CTNNA3: variants seen among roughly 807,000 people sequenced by gnomAD.
CTNNA3 encodes the protein catenin alpha-3.
A neutral mutation model predicts 95.7 loss-of-function variants in CTNNA3; 76 were observed. The ratio of observed to expected loss-of-function variants is 0.79; its 90% CI spans 0.66 to 0.96. The LOEUF (loss-of-function observed/expected upper bound fraction) is 0.96, where lower values mean the gene tolerates loss of function less well. Among genes scored for constraint, CTNNA3 ranks in the 40% least tolerant of loss-of-function variants. CTNNA3 has a pLI of 0.00. For synonymous variants in CTNNA3, 431 were observed against 374.4 expected, an observed-to-expected ratio of 1.15 and a Z score of -1.74; for missense variants, 1,191 against 1,089.8, an observed-to-expected ratio of 1.09 and a Z score of -1.31.
chr10:66,053,737 A>G (rs1419212072), intron 15 of CTNNA3, among the ~76,000 whole-genome samples: 3 of 152,034 alleles, frequency 2.0e-5, no homozygotes, highest in Non-Finnish European at 4.4e-5. Context: ...TGGCTGTGGT[A>G]TCTAATATTT....
intron 11 of CTNNA3, among the ~76,000 whole-genome samples, chr10:66,391,984 A>AGAT (rs963003665): frequency 2.9e-4 from 44 of 152,176 alleles, no homozygotes; most frequent in African/African-American, 1.0e-3. Context: ...AGCTTCTGTA[A>AGAT]GATAACAGAG....
chr10:67,029,807 T>C (rs1425556014), intron 7 of CTNNA3, among the ~76,000 whole-genome samples: 1 of 152,190 alleles, frequency 6.6e-6, no homozygotes, highest in Non-Finnish European at 1.5e-5. Flanking sequence ...CATGTACCTA[T>C]TTAACTTTAA....
intron 7 of CTNNA3, chr10:67,099,325 T>A (rs1266285397): frequency 6.6e-6 from 1 of 151,708 alleles, no homozygotes. Flanking sequence ...TGCATTCTTG[T>A]GTTTTTTTTT....
intron 9 of CTNNA3, among the ~76,000 whole-genome samples, chr10:66,667,212 T>C (rs1400076707): frequency 1.3e-5 from 2 of 152,130 alleles, no homozygotes; most frequent in Non-Finnish European, 2.9e-5. Context: ...CCTAATTTTG[T>C]TACTATAAGA....
At chr10:66,413,824 G>C (rs893197849) in intron 11 of CTNNA3, among the ~76,000 whole-genome samples, 6 of 152,172 alleles carry the variant, frequency 3.9e-5, no homozygotes. Context: ...TTCCTTGAGA[G>C]ATTTATGTCT....
intron 11 of CTNNA3, among the ~76,000 whole-genome samples, chr10:66,450,381 G>A (rs2093455583): frequency 6.6e-6 from 1 of 152,032 alleles, no homozygotes; most frequent in African/African-American, 2.4e-5. Flanking sequence ...ATAAATATCA[G>A]TTTGTTGTTC....
At chr10:67,467,692 CTTTAT>C (rs1451946096) in intron 5 of CTNNA3, among the ~76,000 whole-genome samples, 4 of 151,442 alleles carry the variant, frequency 2.6e-5, no homozygotes, top group South Asian at 2.1e-4. Flanking sequence ...CTGTAAGTTT[CTTTAT>C]TTTATTTTAT....
At chr10:66,181,627 C>T (rs2086042017) in intron 13 of CTNNA3, among the ~76,000 whole-genome samples, 1 of 152,106 alleles carries the variant, frequency 6.6e-6, no homozygotes, top group Admixed American at 6.5e-5. Flanking sequence ...ATTAACATAC[C>T]TGCAAATGGT....
Position 67,283,384 on chromosome 10 carries a change from G to A in CTNNA3, c.580-63514C>T, listed in dbSNP as rs10997606. 0.019 allele frequency among the ~76,000 whole-genome samples: 2,932 copies of A among 152,236 alleles called. 234 individuals are homozygous for A. The East Asian group carries it at 0.25, about 13-fold the overall frequency. ...GAGTTGGGTGAGTGGGCTCAAGCAC[G>A]CACCCTAAGAGGCAAAATGGCAGAT... is the stretch of plus-strand genomic sequence containing the variant. On this transcript the variant is annotated intron_variant, in intron 5 of 17. Transcript: ENST00000433211.
At chr10:67,653,258 C>T (rs1205651161) in intron 1 of CTNNA3, among the ~76,000 whole-genome samples, 1 of 152,156 alleles carries the variant, frequency 6.6e-6, no homozygotes, top group Non-Finnish European at 1.5e-5. Flanking sequence ...GAGGACAACA[C>T]CAAGAGGCTG....
intron 12 of CTNNA3, among the ~76,000 whole-genome samples, chr10:66,333,836 G>A (rs1418543554): frequency 1.3e-5 from 2 of 151,588 alleles, no homozygotes; most frequent in Non-Finnish European, 2.9e-5. Context: ...GGGTGTTAAA[G>A]TCTCCCATTA....
chr10:66,808,173 T>A (rs1446889175), intron 7 of CTNNA3, among the ~76,000 whole-genome samples: 3 of 152,136 alleles, frequency 2.0e-5, no homozygotes, highest in Non-Finnish European at 1.5e-5. Flanking sequence ...TCAATGTGGT[T>A]AAGCAGTGTG....
At chr10:66,532,425 G>A (rs1841500892) in intron 10 of CTNNA3, among the ~76,000 whole-genome samples, 1 of 150,852 alleles carries the variant, frequency 6.6e-6, no homozygotes, top group South Asian at 2.1e-4. Flanking sequence ...TCGCGCCACT[G>A]TACTCCAGCC....
rs554077929 is a variant in CTNNA3, at chr10:66,344,737, A to T, written c.1732+34415T>A. 2.6e-5 allele frequency among the ~76,000 whole-genome samples: 4 copies of T among 152,226 alleles called. No individual in the cohort carries two copies. The South Asian group carries it at 8.3e-4, about 32-fold the overall frequency. On this transcript the variant is annotated intron_variant, in intron 12 of 17. Transcript: ENST00000433211. The stretch of plus-strand genomic sequence containing the variant: ...AAAGTTTATGATTTCTATAGAAGGA[A>T]ACATCCTTCAGACGAACTGACCAAT...
intron 4 of CTNNA3, among the ~76,000 whole-genome samples, chr10:67,529,038 T>C (rs1285473034): frequency 6.6e-6 from 1 of 152,178 alleles, no homozygotes; most frequent in African/African-American, 2.4e-5. Context: ...TACCAAAAAT[T>C]GATAAGTATA....
chr10:65,983,393 T>C (rs2133309133), intron 16 of CTNNA3, among the ~76,000 whole-genome samples: 1 of 151,694 alleles, frequency 6.6e-6, no homozygotes, highest in South Asian at 2.1e-4. Flanking sequence ...TTGAAATCTT[T>C]TTGTGCATTA....
chr10:66,201,884 G>T (rs530929968), intron 13 of CTNNA3, among the ~76,000 whole-genome samples: 1 of 146,094 alleles, frequency 6.8e-6, no homozygotes, highest in African/African-American at 2.5e-5. Context: ...CACCTCCTGG[G>T]TTCAAGTGAT....
chr10:66,544,922 A>G (rs147066280), intron 10 of CTNNA3, among the ~76,000 whole-genome samples: 2 of 152,136 alleles, frequency 1.3e-5, no homozygotes, highest in Non-Finnish European at 2.9e-5. Flanking sequence ...GTTTGGGAAA[A>G]GATTTATGTA....
intron 5 of CTNNA3, among the ~76,000 whole-genome samples, chr10:67,500,931 G>T (rs371642147): frequency 2.4e-4 from 37 of 152,286 alleles, no homozygotes; most frequent in African/African-American, 8.4e-4. Flanking sequence ...TTGCCAGTCT[G>T]TGTCTTTTAA....
Sources: allele counts gnomAD v4.1 joint callset (sites outside exome capture counted in the v4.1 genomes callset), GRCh38; gene constraint gnomAD v4.1.1; transcripts MANE v1.5; gene names NCBI Gene and HGNC (gene_info 2026-07-23, HGNC 2026-07-21).